Variants in FGF14 observed in about 807,000 individuals in gnomAD.
The protein encoded by FGF14 is fibroblast growth factor homologous factor 4.
In FGF14, 5 loss-of-function variants were observed where a neutral mutation model predicts 25.5. That is an observed-to-expected ratio of 0.20 (90% CI 0.10 to 0.41). The LOEUF (loss-of-function observed/expected upper bound fraction) is 0.41, where lower values mean the gene tolerates loss of function less well. Ranked by LOEUF, FGF14 falls within the 10% of genes least tolerant of loss-of-function variation. The pLI is 1.00. For missense variants in FGF14, 222 were observed against 320.1 expected (o/e 0.69, Z 2.34); for synonymous variants, 138 against 118.3 (o/e 1.17, Z -1.08).
At chr13:102,034,174 G>A (rs1418938088) in intron 1 of FGF14, among the ~76,000 whole-genome samples, 1 of 152,062 alleles carries the variant, frequency 6.6e-6, no homozygotes, top group Non-Finnish European at 1.5e-5. Context: ...AATTTCCCTA[G>A]AGACTGTACC....
chr13:101,717,650 CCT>C lies in FGF14; in HGVS notation c.*5179_*5180del, dbSNP rs2034775985. The C allele has an allele frequency of 6.7e-6, 1 of 150,290 alleles. No individual in the cohort carries two copies. The highest frequency in any genetic ancestry group is 1.5e-5 in the Non-Finnish European group (1 of 67,270). 9.3% of individuals were successfully genotyped at this position (150,290 alleles called of 1,614,324 possible). Reference sequence around the variant, plus strand: ...TTAAACTTTACGGACCACGTACGTCCCTGTCTCATATTCTTCTTTGTTGGTTT... The same window carrying C: ...TTAAACTTTACGGACCACGTACGTCCGTCTCATATTCTTCTTTGTTGGTTT... On this transcript the variant is annotated 3_prime_UTR_variant, in exon 5 of 5. Transcript: ENST00000376143.
chr13:101,893,401 C>T (rs1026122495), intron 1 of FGF14, among the ~76,000 whole-genome samples: 8 of 152,146 alleles, frequency 5.3e-5, no homozygotes, highest in African/African-American at 1.7e-4. Flanking sequence ...GATTGCTTTG[C>T]TGTGGTGGAG....
chr13:101,753,987 G>GA (rs1566858269), intron 3 of FGF14, among the ~76,000 whole-genome samples: 1 of 152,064 alleles, frequency 6.6e-6, no homozygotes, highest in African/African-American at 2.4e-5. Context: ...AAACAAAATA[G>GA]AAAACAAAGT....
rs575930364 is a variant in FGF14 at position 101,922,862 on chromosome 13, C to CA, written c.209-47567dup. ...GTTTTTTATTTATCCTTCAAATGAA[C>CA]AAAAAAATCCAAAAAACATATTTTG... On this transcript the variant is annotated intron_variant, in intron 1 of 4. Transcript: ENST00000376131. Among the ~76,000 whole-genome samples, 24 of 150,428 alleles carry CA rather than the reference C, an allele frequency of 1.6e-4. No individual in the cohort carries two copies. In the East Asian group the frequency reaches 4.1e-3, roughly 26 times the overall value.
intron 1 of FGF14, among the ~76,000 whole-genome samples, chr13:102,328,318 G>A (rs768762421): frequency 1.3e-5 from 2 of 152,162 alleles, no homozygotes; most frequent in Non-Finnish European, 2.9e-5. Context: ...CACTAACTGG[G>A]CAGAAATCAA....
At chr13:102,342,909 T>C (rs1194436813) in intron 1 of FGF14, among the ~76,000 whole-genome samples, 1 of 152,172 alleles carries the variant, frequency 6.6e-6, no homozygotes. Context: ...TGTAGGAATA[T>C]AAGTATTTGA....
At chr13:102,394,018 T>C (rs959333349) in intron 1 of FGF14, among the ~76,000 whole-genome samples, 1 of 152,214 alleles carries the variant, frequency 6.6e-6, no homozygotes, top group African/African-American at 2.4e-5. Flanking sequence ...ATATTAGAGC[T>C]GGGGCTGATC....
intron 1 of FGF14, among the ~76,000 whole-genome samples, chr13:102,082,380 A>C (rs1343561246): frequency 6.6e-6 from 1 of 152,238 alleles, no homozygotes; most frequent in Non-Finnish European, 1.5e-5. Context: ...CAGTGATAAC[A>C]TAATATAGAA....
chr13:101,753,722 G>C (rs1019837482), intron 3 of FGF14, among the ~76,000 whole-genome samples: 6 of 151,518 alleles, frequency 4.0e-5, no homozygotes, highest in African/African-American at 1.5e-4. Flanking sequence ...AGAATTACTT[G>C]AACCCGGGAG....
intron 1 of FGF14, among the ~76,000 whole-genome samples, chr13:102,294,769 C>T (rs2054611013): frequency 6.6e-6 from 1 of 152,126 alleles, no homozygotes; most frequent in Non-Finnish European, 1.5e-5. Context: ...TATAGTTAGA[C>T]TGCCATTGTC....
chr13:101,862,396 T>C (rs556417756), intron 3 of FGF14, among the ~76,000 whole-genome samples: 1 of 152,190 alleles, frequency 6.6e-6, no homozygotes, highest in South Asian at 2.1e-4. Context: ...TTTTTCACTA[T>C]CCACTCCAAT....
chr13:102,219,429 T>C (rs777432316), intron 1 of FGF14, among the ~76,000 whole-genome samples: 39 of 152,188 alleles, frequency 2.6e-4, no homozygotes, highest in Non-Finnish European at 7.4e-5. Context: ...CCTAGATTTC[T>C]ACTGCTGAGT....
intron 3 of FGF14, among the ~76,000 whole-genome samples, chr13:101,778,430 G>T (rs953483799): frequency 2.6e-5 from 4 of 152,078 alleles, no homozygotes; most frequent in African/African-American, 9.7e-5. Flanking sequence ...AACCTCCATC[G>T]CCTTGCCTCA....
chr13:101,725,788 T>C (rs1277311530), intron 4 of FGF14, among the ~76,000 whole-genome samples: 1 of 152,040 alleles, frequency 6.6e-6, no homozygotes, highest in East Asian at 1.9e-4. Context: ...TAGAAACACA[T>C]GTGAATATCC....
At chr13:101,820,492 G>A (rs1218624949) in intron 3 of FGF14, among the ~76,000 whole-genome samples, 1 of 152,100 alleles carries the variant, frequency 6.6e-6, no homozygotes, top group Non-Finnish European at 1.5e-5. Context: ...TTGAACGTGT[G>A]CAGCAAAGTC....
At chr13:102,116,889 A>T (rs950956949) in intron 1 of FGF14, among the ~76,000 whole-genome samples, 3 of 152,222 alleles carry the variant, frequency 2.0e-5, no homozygotes, top group Non-Finnish European at 4.4e-5. Flanking sequence ...TCTTAGGTCC[A>T]CACGGCCCTA....
chr13:102,288,458 T>C (rs961975807), intron 1 of FGF14, among the ~76,000 whole-genome samples: 2 of 152,218 alleles, frequency 1.3e-5, no homozygotes, highest in African/African-American at 4.8e-5. Flanking sequence ...CCATAAATTT[T>C]AAATAGTCCT....
chr13:101,830,790 T>C (rs2042632863), intron 3 of FGF14, among the ~76,000 whole-genome samples: 2 of 152,116 alleles, frequency 1.3e-5, no homozygotes, highest in Non-Finnish European at 2.9e-5. Context: ...AATCAAGGTG[T>C]TGGCAGACTT....
At chr13:102,366,618 C>CAAAAAAAAA in intron 1 of FGF14, 1 of 46,792 alleles carries the variant, frequency 2.1e-5, no homozygotes, top group Non-Finnish European at 4.2e-5. Flanking sequence ...ATTCTCCTTG[C>CAAAAAAAAA]AAAAAAAAAA....
Sources: gnomAD v4.1 joint callset for allele counts (sites outside exome capture counted in the v4.1 genomes callset) on GRCh38, gnomAD v4.1.1 for gene constraint, MANE v1.5 for transcripts, NCBI Gene and HGNC (gene_info 2026-07-23, HGNC 2026-07-21) for gene names.